The following ADGRL2 variants were observed in gnomAD, a reference collection of about 807,000 sequenced individuals.
The protein encoded by ADGRL2 is adhesion G protein-coupled receptor L2.
In ADGRL2, 44 loss-of-function variants were observed where a neutral mutation model predicts 157.4. The observed-to-expected ratio is 0.28, with a 90% confidence interval of 0.22 to 0.36. The LOEUF (loss-of-function observed/expected upper bound fraction) is 0.36, where lower values mean the gene tolerates loss of function less well. Among genes scored for constraint, ADGRL2 ranks in the 10% least tolerant of loss-of-function variants. The pLI is 1.00. For missense variants in ADGRL2, 1,510 were observed against 1,768.9 expected, an observed-to-expected ratio of 0.85 and a Z score of 2.63; for synonymous variants, 585 against 624.7, an observed-to-expected ratio of 0.94 and a Z score of 0.95.
rs575744900 is a variant in ADGRL2, at chr1:81,586,681, G to A, written c.-143+5701G>A. Among the ~76,000 whole-genome samples, 10 of 152,190 alleles carry A rather than the reference G, an allele frequency of 6.6e-5. No homozygotes were observed. The East Asian group carries it at 1.9e-3, about 29-fold the overall frequency. On this transcript the variant is annotated intron_variant, in intron 3 of 24. Coordinates refer to the ADGRL2 transcript ENST00000370721. ...CGGCTTGTATGTAAGTCTAGATGAG[G>A]CAGAAAAACTGACCAATTAAATTGG...
chr1:81,931,430 T>G (rs1394882342), intron 3 of ADGRL2, among the ~76,000 whole-genome samples: 1 of 152,156 alleles, frequency 6.6e-6, no homozygotes, highest in Non-Finnish European at 1.5e-5. Context: ...AAAATTGTAG[T>G]CAGAAAGTTG....
chr1:81,840,674 G>A (rs763347040), intron 2 of ADGRL2, among the ~76,000 whole-genome samples: 34 of 151,966 alleles, frequency 2.2e-4, no homozygotes, highest in Non-Finnish European at 3.8e-4. Context: ...ACCCATTAAA[G>A]TTTACCTGTT....
At chr1:81,358,371 C>A (rs542028100) in intron 1 of ADGRL2, among the ~76,000 whole-genome samples, 1 of 152,208 alleles carries the variant, frequency 6.6e-6, no homozygotes, top group Non-Finnish European at 1.5e-5. Context: ...TTGAAGATGC[C>A]ATTGTATGCC....
chr1:81,851,483 A>C (rs957537677), intron 2 of ADGRL2, among the ~76,000 whole-genome samples: 4 of 151,798 alleles, frequency 2.6e-5, no homozygotes, highest in Non-Finnish European at 5.9e-5. Flanking sequence ...TAACTAGAAA[A>C]TCCTCTGTGA....
At chr1:81,407,651 A>G (rs2076876720) in intron 1 of ADGRL2, among the ~76,000 whole-genome samples, 2 of 152,238 alleles carry the variant, frequency 1.3e-5, no homozygotes, top group Non-Finnish European at 2.9e-5. Flanking sequence ...TCATGATGTC[A>G]GTAATAAAAG....
At chr1:81,321,226 T>C (rs1237708145) in intron 1 of ADGRL2, among the ~76,000 whole-genome samples, 1 of 152,216 alleles carries the variant, frequency 6.6e-6, no homozygotes, top group Non-Finnish European at 1.5e-5. Context: ...AGGTTTTAGT[T>C]TACTTAGGGC....
chr1:81,981,975 A>G lies in ADGRL2; in HGVS notation c.3281A>G (p.Lys1094Arg). 1 of 1,610,680 alleles carries G rather than the reference A, an allele frequency of 6.2e-7. No homozygotes were observed. Among genetic ancestry groups the G allele is most frequent in the South Asian group, 1.1e-5 (1 of 90,612 alleles). The stretch of plus-strand genomic sequence containing the variant: ...ATCTTTCACTGTGCTCTCCAAAAGA[A>G]AGTAAGTAATTGAAAACACCTAGGG... Reference protein sequence around the residue: ...IFIFHCALQKKVRKEYGKCFR... With the variant: ...IFIFHCALQKRVRKEYGKCFR... The change falls in exon 19 of 24, where the codon AAA becomes AGA. Residue 1094 changes from lysine to arginine, a missense_variant and splice_region_variant. Physicochemically the swap from Lys to Arg is conservative, Grantham distance 26. Around this residue, in one of 4 missense-constraint regions of ADGRL2, gnomAD observed 497 missense variants for 627.2 expected, o/e 0.79. Transcript: ENST00000686636.
intron 3 of ADGRL2, among the ~76,000 whole-genome samples, chr1:81,607,593 AG>A (rs2081460764): frequency 6.6e-6 from 1 of 152,196 alleles, no homozygotes; most frequent in Non-Finnish European, 1.5e-5. Context: ...GAAATTCAGG[AG>A]GTAAGAAAGA....
Position 81,428,381 on chromosome 1 carries a change from G to A in ADGRL2, c.-301-16655G>A, listed in dbSNP as rs189809708. On this transcript the variant is annotated intron_variant, in intron 1 of 24. Coordinates refer to the ADGRL2 transcript ENST00000370721. ...AGTATGCCAAGAGGCTATATTTTAG[G>A]ATATCATGTTGCAGGTGCAAAAGGA... Among the ~76,000 whole-genome samples, 24 of 152,038 alleles carry A rather than the reference G, an allele frequency of 1.6e-4. No individual in the cohort carries two copies. The East Asian group carries it at 4.4e-3, about 28-fold the overall frequency.
At chr1:81,751,795 T>C (rs1248516790) in intron 1 of ADGRL2, among the ~76,000 whole-genome samples, 3 of 152,232 alleles carry the variant, frequency 2.0e-5, no homozygotes, top group African/African-American at 7.2e-5. Context: ...AAGTATCATA[T>C]CATGTTGACA....
intron 2 of ADGRL2, among the ~76,000 whole-genome samples, chr1:81,578,642 C>T (rs908999078): frequency 4.6e-5 from 7 of 151,996 alleles, no homozygotes; most frequent in Non-Finnish European, 1.0e-4. Context: ...ACTCCAAGTT[C>T]TAAAATAATA....
intron 2 of ADGRL2, among the ~76,000 whole-genome samples, chr1:81,866,016 A>G (rs1439744684): frequency 1.1e-4 from 17 of 152,216 alleles, no homozygotes. Context: ...CTTACTGCCA[A>G]GATCACATAA....
At chr1:81,969,463 G>A (rs1048908456) in intron 15 of ADGRL2, 76 bp downstream of exon 15, 2 of 925,200 alleles carry the variant, frequency 2.2e-6, no homozygotes, top group Non-Finnish European at 3.4e-6. Context: ...ATATGATACT[G>A]ATATTAATGT....
chr1:81,632,447 G>C (rs1413192798), intron 3 of ADGRL2, among the ~76,000 whole-genome samples: 6 of 152,056 alleles, frequency 3.9e-5, no homozygotes, highest in African/African-American at 1.4e-4. Flanking sequence ...GTGCAGCTTG[G>C]AGTGTTTAGG....
At chr1:81,503,561 C>T (rs2078902182) in intron 2 of ADGRL2, 1 of 1,418,914 alleles carries the variant, frequency 7.0e-7, no homozygotes, top group Non-Finnish European at 9.7e-7. Context: ...GAGCCCACGT[C>T]GACGAGCACC....
chr1:81,393,304 G>C (rs921543541), intron 1 of ADGRL2, among the ~76,000 whole-genome samples: 6 of 149,734 alleles, frequency 4.0e-5, no homozygotes, highest in Non-Finnish European at 7.4e-5. Flanking sequence ...TTGGTGAATA[G>C]AGCCTGGTTA....
intron 2 of ADGRL2, among the ~76,000 whole-genome samples, chr1:81,447,993 A>G (rs2077629809): frequency 6.6e-6 from 1 of 151,944 alleles, no homozygotes; most frequent in Non-Finnish European, 1.5e-5. Flanking sequence ...TGCTCCGGCC[A>G]TGTAAGTTGG....
At chr1:81,567,014 CA>C (rs766775506) in intron 2 of ADGRL2, among the ~76,000 whole-genome samples, 5 of 152,008 alleles carry the variant, frequency 3.3e-5, no homozygotes, top group Non-Finnish European at 4.4e-5. Context: ...TCTGTATATG[CA>C]AATTACTTCA....
At chr1:81,412,209 G>A (rs1164950752) in intron 1 of ADGRL2, among the ~76,000 whole-genome samples, 1 of 152,140 alleles carries the variant, frequency 6.6e-6, no homozygotes. Flanking sequence ...TAAGAGCCAG[G>A]ATTCAAGCCC....
Sources: allele counts gnomAD v4.1 joint callset (sites outside exome capture counted in the v4.1 genomes callset), GRCh38; gene constraint gnomAD v4.1.1; regional missense constraint gnomAD v4.1.1; transcripts MANE v1.5; gene names NCBI Gene and HGNC (gene_info 2026-07-23, HGNC 2026-07-21).